SMOC1: variants seen among roughly 807,000 people sequenced by gnomAD.
SMOC1 encodes SPARC-related modular calcium-binding protein 1.
Under a neutral mutation model 56.3 loss-of-function variants are expected in SMOC1, and 22 were observed. The ratio of observed to expected loss-of-function variants is 0.39; its 90% CI spans 0.28 to 0.56. SMOC1 has a LOEUF of 0.56. SMOC1 is among the 20% of genes least tolerant of loss of function. SMOC1 has a pLI of 0.61. For synonymous variants in SMOC1, 193 were observed against 215.0 expected, an observed-to-expected ratio of 0.90 and a Z score of 0.89; for missense variants, 509 against 565.4, an observed-to-expected ratio of 0.90 and a Z score of 1.01.
intron 2 of SMOC1, 70 bp from the exon 3 acceptor site, chr14:69,953,350 A>C (rs1883072680): frequency 6.9e-7 from 1 of 1,457,386 alleles, no homozygotes; most frequent in African/African-American, 1.4e-5. Flanking sequence ...TGGTTTTCTC[A>C]GCCATTTTGT....
At chr14:69,966,619 T>C (rs1364474818) in intron 3 of SMOC1, among the ~76,000 whole-genome samples, 4 of 152,120 alleles carry the variant, frequency 2.6e-5, no homozygotes, top group Non-Finnish European at 4.4e-5. Context: ...CCACTTACAG[T>C]CTCTACCCAA....
At chr14:69,936,103 G>A (rs527544822) in intron 1 of SMOC1, among the ~76,000 whole-genome samples, 5 of 152,114 alleles carry the variant, frequency 3.3e-5, no homozygotes, top group African/African-American at 1.2e-4. Context: ...TTTTGGCCCT[G>A]TGATTTTCAT....
intron 1 of SMOC1, among the ~76,000 whole-genome samples, chr14:69,948,562 C>T (rs138936651): frequency 2.1e-4 from 32 of 152,190 alleles, no homozygotes; most frequent in Non-Finnish European, 4.1e-4. Flanking sequence ...GATTTTTTGG[C>T]CTGTAGTTCA....
chr14:70,006,868 C>T (rs1885164978), intron 7 of SMOC1, among the ~76,000 whole-genome samples: 1 of 152,156 alleles, frequency 6.6e-6, no homozygotes, highest in Non-Finnish European at 1.5e-5. Context: ...GATCTTAGGG[C>T]AGCTTCCACA....
At chr14:69,974,368 G>A (rs1231062809) in intron 3 of SMOC1, among the ~76,000 whole-genome samples, 1 of 152,178 alleles carries the variant, frequency 6.6e-6, no homozygotes, top group East Asian at 1.9e-4. Context: ...TGGGAGATGG[G>A]TTGGGGAAGG....
At chr14:69,977,761 T>TTTG (rs1884020395) in intron 4 of SMOC1, among the ~76,000 whole-genome samples, 157 bp from the exon 5 acceptor site, 1 of 152,246 alleles carries the variant, frequency 6.6e-6, no homozygotes, top group Admixed American at 6.5e-5. Context: ...TCAACATGTG[T>TTTG]ATATGTACTA....
intron 11 of SMOC1, among the ~76,000 whole-genome samples, chr14:70,024,725 G>A (rs1241625469): frequency 1.3e-5 from 2 of 152,180 alleles, no homozygotes; most frequent in Non-Finnish European, 2.9e-5. Context: ...GAGCAGGGGT[G>A]GTGACAAGAG....
intron 1 of SMOC1, among the ~76,000 whole-genome samples, chr14:69,927,468 C>A (rs1885041131): frequency 6.6e-6 from 1 of 152,124 alleles, no homozygotes; most frequent in Admixed American, 6.6e-5. Flanking sequence ...ATTGCTTGAG[C>A]TCAGGAGTTT....
At chr14:70,009,858 T>C (rs1885269943) in intron 7 of SMOC1, among the ~76,000 whole-genome samples, 1 of 152,214 alleles carries the variant, frequency 6.6e-6, no homozygotes, top group Non-Finnish European at 1.5e-5. Flanking sequence ...CCAACACTAT[T>C]TATTTTTAAT....
At chr14:69,905,419 G>A (rs1178040447) in intron 1 of SMOC1, among the ~76,000 whole-genome samples, 1 of 152,176 alleles carries the variant, frequency 6.6e-6, no homozygotes, top group African/African-American at 2.4e-5. Flanking sequence ...AAGGGAGGTG[G>A]TGACCCATCA....
intron 1 of SMOC1, chr14:69,886,002 GC>G: frequency 1.3e-6 from 2 of 1,586,072 alleles, no homozygotes; most frequent in South Asian, 2.2e-5. Flanking sequence ...TCTCTTTTGG[GC>G]TGGATGTCCT....
chr14:70,026,454 C>G (rs929844664), intron 11 of SMOC1, among the ~76,000 whole-genome samples: 2 of 152,158 alleles, frequency 1.3e-5, no homozygotes, highest in African/African-American at 4.8e-5. Flanking sequence ...TCTGCCAGTC[C>G]CAGCTGACAT....
chr14:69,988,597 A>G (rs890056267), intron 5 of SMOC1, among the ~76,000 whole-genome samples: 3 of 152,182 alleles, frequency 2.0e-5, no homozygotes, highest in African/African-American at 7.2e-5. Context: ...CACTCATTGT[A>G]AATATACAAC....
At chr14:69,973,865 T>A (rs533721187) in intron 3 of SMOC1, among the ~76,000 whole-genome samples, 12 of 152,322 alleles carry the variant, frequency 7.9e-5, no homozygotes, top group Non-Finnish European at 1.6e-4. Context: ...CTCCCTTCCA[T>A]CCCTTACCAC....
chr14:69,885,538 A>G (rs891508071), intron 1 of SMOC1: 1 of 1,598,064 alleles, frequency 6.3e-7, no homozygotes, highest in Non-Finnish European at 8.5e-7. Context: ...TGAAGGCGAC[A>G]GTGGTGCAGG....
Position 70,011,466 on chromosome 14 carries a change from C to A in SMOC1, c.858-19C>A, listed in dbSNP as rs57609901. The A allele has an allele frequency of 0.2, 306,511 of 1,561,566 alleles. 35,243 individuals carry two copies. Among genetic ancestry groups the A allele is most frequent in the East Asian group, 0.41 (18,273 of 44,580 alleles). ...GTTGCCAGCCCCTCCCAACCCCCCC[C>A]ATATCTCTCTTTTCCCAGCTACGTG... On this transcript the variant is annotated intron_variant, in intron 8 of 11. Coordinates refer to ENST00000361956, the MANE Select transcript of SMOC1 (RefSeq NM_001034852.3).
intron 3 of SMOC1, among the ~76,000 whole-genome samples, chr14:69,961,381 T>C (rs548123750): frequency 6.7e-6 from 1 of 148,620 alleles, no homozygotes. Context: ...TTTTTATTTT[T>C]AGTTTTTATT....
chr14:69,930,859 C>T (rs558297637), intron 1 of SMOC1, among the ~76,000 whole-genome samples: 12 of 152,326 alleles, frequency 7.9e-5, no homozygotes, highest in African/African-American at 2.2e-4. Flanking sequence ...CCAGAGATGG[C>T]GACAGCTGCT....
rs977528150 is a variant in SMOC1 at position 70,019,781 on chromosome 14, A to G, written c.1047-3422A>G. Reference sequence around the variant, plus strand: ...CCTATCCAGCACTCCCCCAGGAAAAATCTCAGATTTTGTTCAGTTAACAGA... The same window carrying G: ...CCTATCCAGCACTCCCCCAGGAAAAGTCTCAGATTTTGTTCAGTTAACAGA... On this transcript the variant is annotated intron_variant, in intron 10 of 11. Coordinates refer to ENST00000361956, the MANE Select transcript of SMOC1 (RefSeq NM_001034852.3). 1.2e-4 allele frequency among the ~76,000 whole-genome samples: 19 copies of G among 152,008 alleles called. 1 individual carries two copies. Among genetic ancestry groups the G allele is most frequent in the Admixed American group, 5.9e-4 (9 of 15,266 alleles).
Sources: gnomAD v4.1 joint callset for allele counts (sites outside exome capture counted in the v4.1 genomes callset) on GRCh38, gnomAD v4.1.1 for gene constraint, MANE v1.5 for transcripts, NCBI Gene and HGNC (gene_info 2026-07-23, HGNC 2026-07-21) for gene names.